SUCLG2: variants seen among roughly 807,000 people sequenced by gnomAD.
SUCLG2 encodes succinate-CoA ligase GDP-forming subunit beta.
In SUCLG2, 42 loss-of-function variants were observed where a neutral mutation model predicts 47.9. That is an observed-to-expected ratio of 0.88 (90% CI 0.69 to 1.14). SUCLG2 has a LOEUF of 1.14. SUCLG2 is among the 50% of genes most tolerant of loss of function. SUCLG2 has a pLI of 0.00. For missense variants in SUCLG2, 571 were observed against 525.9 expected, an observed-to-expected ratio of 1.09 and a Z score of -0.84; for synonymous variants, 195 against 197.3, an observed-to-expected ratio of 0.99 and a Z score of 0.10.
chr3:67,529,124 T>C lies in SUCLG2; in HGVS notation c.289A>G (p.Asn97Asp), dbSNP rs2107147347. 6.2e-7 allele frequency: 1 copy of C among 1,613,500 alleles called. No individual in the cohort carries two copies. The highest frequency in any genetic ancestry group is 8.5e-7 in the Non-Finnish European group (1 of 1,179,806). The change falls in exon 3 of 11, where the codon AAT becomes GAT. Residue 97 changes from asparagine to aspartate, a missense_variant. Asn to Asp is a conservative substitution (Grantham distance 23). Transcript: ENST00000307227. ...TGAACACCTCCTTTCAAACCACTAT[T>C]GAAGACACCTTTTCCTCTTCCTCCA... ...LAGGRGKGVF[N>D]SGLKGGVHLT...
chr3:67,466,350 C>CA (rs879773967), intron 9 of SUCLG2, among the ~76,000 whole-genome samples: 4 of 151,046 alleles, frequency 2.6e-5, no homozygotes, highest in East Asian at 1.9e-4. Context: ...GACTTTGTCT[C>CA]AAAAAAAAGA....
intron 1 of SUCLG2, among the ~76,000 whole-genome samples, chr3:67,611,152 T>C (rs1259624654): frequency 3.3e-5 from 5 of 152,222 alleles, no homozygotes; most frequent in Non-Finnish European, 5.9e-5. Context: ...TAATATAATG[T>C]ATACATGCTG....
intron 5 of SUCLG2, among the ~76,000 whole-genome samples, chr3:67,519,124 CTT>C (rs1358707593): frequency 1.3e-5 from 2 of 152,092 alleles, no homozygotes; most frequent in Admixed American, 6.5e-5. Flanking sequence ...ACATTCCCCT[CTT>C]GTCTGAGTAG....
At chr3:67,394,493 A>G (rs1320477865) in intron 10 of SUCLG2, among the ~76,000 whole-genome samples, 1 of 149,660 alleles carries the variant, frequency 6.7e-6, no homozygotes, top group African/African-American at 2.5e-5. Flanking sequence ...AAAGAAATGA[A>G]CAAAGCCTCC....
chr3:67,496,031 G>A, intron 8 of SUCLG2, 91 bp from the exon 9 acceptor site: 6 of 1,522,290 alleles, frequency 3.9e-6, no homozygotes, highest in Non-Finnish European at 5.4e-6. Flanking sequence ...TGCCAAGAGA[G>A]AACTCTGTCA....
intron 9 of SUCLG2, among the ~76,000 whole-genome samples, chr3:67,453,118 AG>A (rs1319367092): frequency 2.0e-5 from 3 of 152,294 alleles, no homozygotes; most frequent in African/African-American, 7.2e-5. Context: ...CTGATTAGCA[AG>A]GACTACAACA....
At chr3:67,654,271 G>A (rs1025441715) in intron 1 of SUCLG2, among the ~76,000 whole-genome samples, 3 of 152,190 alleles carry the variant, frequency 2.0e-5, no homozygotes, top group African/African-American at 7.2e-5. Context: ...ACTCTAGTGC[G>A]TTGGGTCGCT....
At chr3:67,511,530 C>T (rs957203239) in intron 6 of SUCLG2, among the ~76,000 whole-genome samples, 3 of 152,104 alleles carry the variant, frequency 2.0e-5, no homozygotes, top group African/African-American at 7.2e-5. Flanking sequence ...TGCCTGCCAC[C>T]ATGTAAGAAG....
intron 9 of SUCLG2, among the ~76,000 whole-genome samples, chr3:67,486,109 A>T (rs538713513): frequency 1.2e-4 from 19 of 152,130 alleles, no homozygotes; most frequent in South Asian, 6.2e-4. Flanking sequence ...TACAAAACAA[A>T]ATTCAATTAG....
chr3:67,540,678 G>C (rs1706679243), intron 2 of SUCLG2, among the ~76,000 whole-genome samples: 1 of 152,192 alleles, frequency 6.6e-6, no homozygotes, highest in Non-Finnish European at 1.5e-5. Context: ...GGATCTCCCA[G>C]CACACTGCTG....
intron 7 of SUCLG2, among the ~76,000 whole-genome samples, chr3:67,500,569 C>T (rs780653863): frequency 1.2e-4 from 18 of 152,160 alleles, no homozygotes; most frequent in Non-Finnish European, 2.2e-4. Context: ...AATTACCAAA[C>T]GAATTGGCCA....
In SUCLG2 at chr3:67,609,508, C is replaced by A. The variant is rs1475544579; in HGVS notation, c.173G>T (p.Arg58Ile). 1.9e-6 allele frequency: 3 copies of A among 1,613,710 alleles called. No individual in the cohort carries two copies. The highest frequency in any genetic ancestry group is 2.5e-6 in the Non-Finnish European group (3 of 1,179,908). ...LMSDNGVRVQRFFVADTANEA... is the reference protein window; with the variant it reads ...LMSDNGVRVQIFFVADTANEA... Reference sequence around the variant, plus strand: ...ATTTGCAGTGTCTGCTACAAAGAATCTTTGAACTCTCACTCCGTTGTCAGA... The same window carrying A: ...ATTTGCAGTGTCTGCTACAAAGAATATTTGAACTCTCACTCCGTTGTCAGA... The change falls in exon 2 of 11, where the codon AGA (arginine) becomes ATA (isoleucine). Residue 58 changes from arginine to isoleucine, a missense_variant. Transcript: ENST00000307227.
intron 2 of SUCLG2, among the ~76,000 whole-genome samples, chr3:67,599,938 A>C (rs1708380936): frequency 6.6e-6 from 1 of 152,214 alleles, no homozygotes; most frequent in African/African-American, 2.4e-5. Context: ...TAACCTAGAA[A>C]ACTCAAGTAC....
chr3:67,545,381 G>A (rs1706837352), intron 2 of SUCLG2, among the ~76,000 whole-genome samples: 1 of 152,196 alleles, frequency 6.6e-6, no homozygotes, highest in Admixed American at 6.5e-5. Flanking sequence ...AAAGATCTCA[G>A]AACCACTTTC....
chr3:67,487,843 T>C (rs1448341840), intron 9 of SUCLG2, among the ~76,000 whole-genome samples: 2 of 152,156 alleles, frequency 1.3e-5, no homozygotes, highest in African/African-American at 2.4e-5. Context: ...ATTTATCTTA[T>C]ATGAATAATC....
chr3:67,396,315 C>A (rs546772174), intron 10 of SUCLG2, among the ~76,000 whole-genome samples: 97 of 151,890 alleles, frequency 6.4e-4, no homozygotes, highest in Non-Finnish European at 9.9e-4. Context: ...ATCAAATAGA[C>A]GCAATAAAAA....
intron 1 of SUCLG2, among the ~76,000 whole-genome samples, chr3:67,634,995 G>A (rs552937503): frequency 6.6e-6 from 1 of 152,296 alleles, no homozygotes; most frequent in African/African-American, 2.4e-5. Flanking sequence ...AGGATTGCTA[G>A]GAGAATAGGA....
chr3:67,390,973 G>A (rs1308074939), intron 10 of SUCLG2, among the ~76,000 whole-genome samples: 1 of 152,092 alleles, frequency 6.6e-6, no homozygotes, highest in Non-Finnish European at 1.5e-5. Context: ...TGTTCATTAT[G>A]ACTCCAAGTT....
At chr3:67,435,189 G>A (rs898549862) in intron 9 of SUCLG2, among the ~76,000 whole-genome samples, 7 of 152,148 alleles carry the variant, frequency 4.6e-5, no homozygotes, top group Non-Finnish European at 8.8e-5. Context: ...AAGTACACTT[G>A]TATGACTGCA....
Sources: allele counts gnomAD v4.1 joint callset (sites outside exome capture counted in the v4.1 genomes callset), GRCh38; gene constraint gnomAD v4.1.1; transcripts MANE v1.5; gene names NCBI Gene and HGNC (gene_info 2026-07-23, HGNC 2026-07-21).